Variants in PREX1 observed in about 807,000 individuals in gnomAD.
PREX1 encodes the protein phosphatidylinositol 3,4,5-trisphosphate-dependent Rac exchanger 1 protein.
Under a neutral mutation model 198.3 loss-of-function variants are expected in PREX1, and 41 were observed. The ratio of observed to expected loss-of-function variants is 0.21; its 90% CI spans 0.16 to 0.27. PREX1 has a LOEUF of 0.27. PREX1 is among the 10% of genes least tolerant of loss of function. The pLI is 1.00. For synonymous variants in PREX1, 843 were observed against 887.2 expected (o/e 0.95, Z 0.89); for missense variants, 1,620 against 2,200.7 (o/e 0.74, Z 5.28).
In PREX1 at chr20:48,666,906, T is replaced by C. The variant is rs1307392494; in HGVS notation, c.1666-551A>G. On this transcript the variant is annotated intron_variant, in intron 14 of 39. Coordinates refer to ENST00000371941, the MANE Select transcript of PREX1 (RefSeq NM_020820.4). The surrounding 1 kb of genome is among the most constrained non-coding windows in gnomAD (Gnocchi z 4.3). ...CAATACCGCAAAGAAAAAATGGAGA[T>C]TTTAAGCGGCAGACAATGTTGGTTG... 1.3e-5 allele frequency among the ~76,000 whole-genome samples: 2 copies of C among 152,114 alleles called. No individual in the cohort carries two copies. The highest frequency in any genetic ancestry group is 2.9e-5 in the Non-Finnish European group (2 of 68,028).
Position 48,658,145 on chromosome 20 carries a change from C to A in PREX1, c.1965G>T (p.Ser655=). The A allele has an allele frequency of 6.2e-7, 1 of 1,613,238 alleles. No homozygotes were observed. The highest frequency in any genetic ancestry group is 8.5e-7 in the Non-Finnish European group (1 of 1,179,498). Residue 655 remains serine, a synonymous_variant, in exon 17 of 40, where the codon TCG becomes TCT. Transcript: ENST00000371941. The part of the protein sequence containing the change: ...AVVVKSVQRG[S]LAEVAGLQVG... ...CCCCCGAGGGCCTCACCTCAGCCAG[C>A]GAGCCCCTCTGGACGGACTTCACCA...
chr20:48,830,508 C>T (rs2090534962), upstream of PREX1, among the ~76,000 whole-genome samples: 1 of 152,182 alleles, frequency 6.6e-6, no homozygotes, highest in Non-Finnish European at 1.5e-5. Context: ...CCCTTCTCAG[C>T]CCATGACCAA....
In PREX1 at chr20:48,629,637, C is replaced by A. The variant is rs894140823; in HGVS notation, c.4594-16G>T. 1.2e-6 allele frequency: 2 copies of A among 1,612,030 alleles called. No individual in the cohort carries two copies. The highest frequency in any genetic ancestry group is 1.7e-6 in the Non-Finnish European group (2 of 1,178,478). The stretch of plus-strand genomic sequence containing the variant: ...GGCGGATCAGCTGTAGGGGGTACCA[C>A]ACATAACCGGGGAGTTGGAGGAGGT... On this transcript the variant is annotated splice_polypyrimidine_tract_variant and intron_variant, in intron 36 of 39. Coordinates refer to ENST00000371941, the MANE Select transcript of PREX1 (RefSeq NM_020820.4).
chr20:48,686,025 A>G (rs1429433636), intron 10 of PREX1, among the ~76,000 whole-genome samples: 2 of 152,260 alleles, frequency 1.3e-5, no homozygotes, highest in Non-Finnish European at 2.9e-5. Context: ...ATAGACAGGC[A>G]AAGTACAGTG....
At chr20:48,725,638 G>A (rs542591115) in intron 5 of PREX1, among the ~76,000 whole-genome samples, 16 of 152,356 alleles carry the variant, frequency 1.1e-4, no homozygotes, top group African/African-American at 3.4e-4. Flanking sequence ...TGGCCTGTGG[G>A]ACCTAGTGAT....
At chr20:48,664,663 G>C (rs2089622408) in intron 15 of PREX1, among the ~76,000 whole-genome samples, 1 of 152,270 alleles carries the variant, frequency 6.6e-6, no homozygotes, top group Non-Finnish European at 1.5e-5. Flanking sequence ...GGACCTTCAA[G>C]GGGAGAGGCT....
At position 48,747,812 on chromosome 20, in the gene PREX1, G is replaced by A. The variant is rs772361927; in HGVS notation, c.288C>T (p.Val96=). The A allele has an allele frequency of 6.2e-7, 1 of 1,612,778 alleles. No homozygotes were observed. The highest frequency in any genetic ancestry group is 8.5e-7 in the Non-Finnish European group (1 of 1,179,262). The change falls in exon 2 of 40, where the codon GTC becomes GTT. Residue 96 remains valine, a synonymous_variant. Transcript: ENST00000371941. ...SVEKGLTEEN[V]KVLFSNIEDI... is the part of the protein sequence containing the mutation. ...GGGCCAGCCCCAGCGTCCACACCTT[G>A]ACATTCTCCTCCGTGAGGCCCTTCT...
At chr20:48,872,680 AG>A in the PREX1 span, among the ~76,000 whole-genome samples, 1 of 152,316 alleles carries the variant, frequency 6.6e-6, no homozygotes, top group African/African-American at 2.4e-5. Context: ...TGGGAGGCAG[AG>A]GTTGCAGTGA....
the PREX1 span, among the ~76,000 whole-genome samples, chr20:48,876,996 G>A: frequency 8.5e-5 from 13 of 152,192 alleles, no homozygotes; most frequent in Admixed American, 2.6e-4. Context: ...TAGGCCGGGC[G>A]CAATGGCTCA....
intron 3 of PREX1, among the ~76,000 whole-genome samples, chr20:48,741,083 A>G (rs968106571): frequency 5.9e-5 from 9 of 151,926 alleles, no homozygotes; most frequent in African/African-American, 2.2e-4. Flanking sequence ...ATCTCGACTC[A>G]CTGCAACCTC....
the PREX1 span, among the ~76,000 whole-genome samples, chr20:48,883,126 G>T: frequency 1.3e-5 from 2 of 151,754 alleles, no homozygotes; most frequent in Non-Finnish European, 2.9e-5. Flanking sequence ...GTAGAGACGG[G>T]GTTTCACCAT....
intron 1 of PREX1, among the ~76,000 whole-genome samples, chr20:48,764,735 T>C (rs993035445): frequency 7.2e-6 from 1 of 138,496 alleles, no homozygotes; most frequent in Non-Finnish European, 1.5e-5. Flanking sequence ...TGAGCCAAGA[T>C]AGCGCCACTA....
intron 10 of PREX1, among the ~76,000 whole-genome samples, chr20:48,686,734 T>C (rs1190491857): frequency 6.6e-6 from 1 of 152,336 alleles, no homozygotes; most frequent in East Asian, 1.9e-4. Flanking sequence ...GTTCCTGATC[T>C]TTGAGGAAAA....
chr20:48,626,724 G>A (rs1259308038), intron 39 of PREX1, among the ~76,000 whole-genome samples: 3 of 152,236 alleles, frequency 2.0e-5, no homozygotes, highest in Non-Finnish European at 4.4e-5. Context: ...TGTTGCCGGC[G>A]CTCTGTGGTT....
Position 48,629,686 on chromosome 20 carries a change from C to T in PREX1, c.4594-65G>A. 2.6e-6 allele frequency: 4 copies of T among 1,527,686 alleles called. No individual in the cohort carries two copies. The South Asian group carries it at 4.7e-5, about 18-fold the overall frequency. The allele number at this position is 1,527,686 out of a possible 1,614,324, so 94.6% of individuals were successfully genotyped here. A position where few individuals can be genotyped will look rare whatever the true frequency, so the allele number is the denominator to read the frequency against. The stretch of plus-strand genomic sequence containing the variant: ...GTCCTCACAGCCCCTCAGCCCCCAT[C>T]TGGCCCTCCTCCCCCACCATATCCT... On this transcript the variant is annotated intron_variant, in intron 36 of 39. Transcript: ENST00000371941.
intron 26 of PREX1, among the ~76,000 whole-genome samples, chr20:48,645,615 G>A (rs1431380209): frequency 6.6e-6 from 1 of 152,218 alleles, no homozygotes; most frequent in African/African-American, 2.4e-5. Flanking sequence ...AGGCAGAACA[G>A]ATGGGTCCAC....
chr20:48,882,904 C>A, the PREX1 span, among the ~76,000 whole-genome samples: 2 of 139,406 alleles, frequency 1.4e-5, no homozygotes, highest in Admixed American at 1.4e-4. Context: ...TATTCAAATT[C>A]TTTGTCCATC....
intron 27 of PREX1, among the ~76,000 whole-genome samples, chr20:48,644,151 T>C (rs1236286797): frequency 6.6e-6 from 1 of 152,216 alleles, no homozygotes; most frequent in Non-Finnish European, 1.5e-5. Context: ...TCCATCTCCA[T>C]GACATTCACG....
chr20:48,747,746 G>A (rs2090115679), intron 2 of PREX1, 63 bp downstream of exon 2: 2 of 1,516,244 alleles, frequency 1.3e-6, no homozygotes, highest in Non-Finnish European at 1.8e-6. Context: ...GCATCGCACG[G>A]GAAGAGCAAG....
Sources: gnomAD v4.1 joint callset for allele counts (sites outside exome capture counted in the v4.1 genomes callset) on GRCh38, gnomAD v4.1.1 for gene constraint, Gnocchi (gnomAD v3.1) non-coding constraint, MANE v1.5 for transcripts, NCBI Gene and HGNC (gene_info 2026-07-23, HGNC 2026-07-21) for gene names.